Variants in LTBP4 observed in about 807,000 individuals in gnomAD.
The protein encoded by LTBP4 is latent transforming growth factor beta binding protein 4.
In LTBP4, 93 loss-of-function variants were observed where a neutral mutation model predicts 180.2. That is an observed-to-expected ratio of 0.52 (90% CI 0.44 to 0.61). The LOEUF (loss-of-function observed/expected upper bound fraction) is 0.61. Ranked by LOEUF, LTBP4 falls within the 20% of genes least tolerant of loss-of-function variation. LTBP4 has a pLI of 0.00. For missense variants in LTBP4, 2,116 were observed against 2,256.5 expected, an observed-to-expected ratio of 0.94 and a Z score of 1.26; for synonymous variants, 947 against 934.5, an observed-to-expected ratio of 1.01 and a Z score of -0.24.
At chr19:40,623,251 T>G (rs1339872304) in intron 24 of LTBP4, among the ~76,000 whole-genome samples, 1 of 151,180 alleles carries the variant, frequency 6.6e-6, no homozygotes, top group African/African-American at 2.4e-5. Context: ...CTTGGCTCAC[T>G]GCAACCTTTG....
At position 40,629,810 on chromosome 19, in the gene LTBP4, T is replaced by C; in HGVS notation, c.*260T>C. On this transcript the variant is annotated 3_prime_UTR_variant, in exon 30 of 30. Transcript: ENST00000396819. This position sits in a 1 kb window ranked among gnomAD's most constrained non-coding sequence, Gnocchi z 4.5. Reference sequence around the variant, plus strand: ...ATAAAATTTTCCATTAAAAACCACCTATTTTCTATCTTTTGCCTCCTCCTG... The same window carrying C: ...ATAAAATTTTCCATTAAAAACCACCCATTTTCTATCTTTTGCCTCCTCCTG... 1 of 318,768 alleles carries C rather than the reference T, an allele frequency of 3.1e-6. No homozygotes were observed. The allele number at this position is 318,768 out of a possible 1,614,324, so 19.7% of individuals were successfully genotyped here.
At chr19:40,606,592 C>T (rs2081464315) in intron 6 of LTBP4, 66 bp downstream of exon 6, 1 of 1,515,856 alleles carries the variant, frequency 6.6e-7, no homozygotes, top group Non-Finnish European at 8.9e-7. Flanking sequence ...CCCAGAGCAT[C>T]CTGGGGCCTT....
chr19:40,601,731 A>C, intron 1 of LTBP4, 94 bp downstream of exon 1: 2 of 989,676 alleles, frequency 2.0e-6, no homozygotes, highest in Non-Finnish European at 2.7e-6. Context: ...GAGGGAGCCC[A>C]GATTCCATAT....
At chr19:40,620,065 G>A (rs1455290529) in intron 22 of LTBP4, among the ~76,000 whole-genome samples, 1 of 152,146 alleles carries the variant, frequency 6.6e-6, no homozygotes, top group East Asian at 1.9e-4. Flanking sequence ...AGAGCATCTG[G>A]CATGTGAGAA....
intron 7 of LTBP4, 112 bp downstream of exon 7, chr19:40,607,641 C>T: frequency 7.9e-7 from 1 of 1,264,804 alleles, no homozygotes; most frequent in South Asian, 1.5e-5. Flanking sequence ...TGGGCTCCAG[C>T]CTTGGCCACG....
intron 1 of LTBP4, among the ~76,000 whole-genome samples, chr19:40,602,279 GC>G (rs1378094372): frequency 6.6e-6 from 1 of 150,436 alleles, no homozygotes; most frequent in Non-Finnish European, 1.5e-5. Context: ...CGGAAGGGGC[GC>G]CCCCTGGGGG....
chr19:40,606,234 G>A lies in LTBP4; in HGVS notation c.795G>A (p.Gly265=). ...HDCQLCSERL[G]NSERVSAPDG... ...CCCACCCCTCTCCTCTCGCCACAGG[G>A]AACTCCGAAAGAGTGAGCGCCCCAG... Residue 265 remains glycine (G), a splice_region_variant and synonymous_variant, in exon 5 of 30, where the codon GGG becomes GGA. Coordinates refer to ENST00000396819, the MANE Select transcript of LTBP4 (RefSeq NM_001042545.2). 6.3e-7 allele frequency: 1 copy of A among 1,585,954 alleles called. No individual in the cohort carries two copies. The highest frequency in any genetic ancestry group is 8.6e-7 in the Non-Finnish European group (1 of 1,165,664).
chr19:40,605,449 G>C lies in LTBP4; in HGVS notation c.487G>C (p.Ala163Pro). ...CGTCCACGTGGAGCACCCGCAGGAG[G>C]CGTCGGTGGTGGTGCACCAGGTGGA... The part of the protein sequence containing the change: ...VSVHVEHPQE[A>P]SVVVHQVERV... Residue 163 changes from alanine (A) to proline (P), a missense_variant, in exon 3 of 30, where the codon GCG becomes CCG. This residue lies in a region of LTBP4 where 469 missense variants were observed against 532.5 expected (regional missense o/e 0.88). Transcript: ENST00000396819. This position sits in a 1 kb window ranked among gnomAD's most constrained non-coding sequence, Gnocchi z 5.5. The C allele has an allele frequency of 6.2e-7, 1 of 1,612,784 alleles. No homozygotes were observed. Among genetic ancestry groups the C allele is most frequent in the Non-Finnish European group, 8.5e-7 (1 of 1,179,868 alleles).
At chr19:40,618,980 C>T (rs778445463) in intron 21 of LTBP4, among the ~76,000 whole-genome samples, 6 of 151,972 alleles carry the variant, frequency 3.9e-5, no homozygotes, top group Non-Finnish European at 7.4e-5. Flanking sequence ...GTGGGCCACC[C>T]GAGAGCTAAA....
rs2081456062 is a variant in LTBP4, at chr19:40,605,724, C to G, written c.691-5C>G. ...GGGGCGCGCTCACCCAACACTTCCC[C>G]GCAGTGCGCGTCCCCGCTGCCCGGG... On this transcript the variant is annotated splice_region_variant and splice_polypyrimidine_tract_variant and intron_variant, in intron 3 of 29. Coordinates refer to ENST00000396819, the MANE Select transcript of LTBP4 (RefSeq NM_001042545.2). This position sits in a 1 kb window ranked among gnomAD's most constrained non-coding sequence, Gnocchi z 5.5. The G allele has an allele frequency of 6.5e-7, 1 of 1,546,594 alleles. No homozygotes were observed. The highest frequency in any genetic ancestry group is 1.2e-5 in the South Asian group (1 of 83,974).
chr19:40,607,257 AC>A, intron 6 of LTBP4, 107 bp from the exon 7 acceptor site: 1 of 339,628 alleles, frequency 2.9e-6, no homozygotes, highest in Non-Finnish European at 4.9e-6. Context: ...CCTCGCACCC[AC>A]CAACCCCCCA....
At position 40,614,035 on chromosome 19, in the gene LTBP4, C is replaced by G; in HGVS notation, c.2677C>G (p.Leu893Val). 1 of 1,612,536 alleles carries G rather than the reference C, an allele frequency of 6.2e-7. No homozygotes were observed. The highest frequency in any genetic ancestry group is 8.5e-7 in the Non-Finnish European group (1 of 1,179,698). Reference protein sequence around the residue: ...HRAGPDLASCLDVDECRERGP... With the variant: ...HRAGPDLASCVDVDECRERGP... ...CGCTGGCCCGGACCTCGCCTCCTGC[C>G]TCGGTGAGAGGCCCCGCCCCGGCCT... The change falls in exon 18 of 30, where the codon CTC becomes GTC. Residue 893 changes from leucine to valine, a missense_variant. By Grantham distance (32) the Leu-to-Val change is conservative (BLOSUM62 1). Transcript: ENST00000396819.
intron 22 of LTBP4, among the ~76,000 whole-genome samples, chr19:40,620,300 G>A (rs575179756): frequency 3.3e-5 from 5 of 151,250 alleles, no homozygotes; most frequent in Middle Eastern, 3.4e-3. Context: ...GTGCAGTGGC[G>A]TGATCTCAGC....
chr19:40,622,356 C>T lies in LTBP4; in HGVS notation c.3218-45C>T, dbSNP rs1047918355. 2.8e-6 allele frequency: 4 copies of T among 1,453,538 alleles called. No homozygotes were observed. In the African/African-American group the frequency reaches 4.3e-5, roughly 15 times the overall value. The allele number at this position is 1,453,538 out of a possible 1,614,324, so 90.0% of individuals were successfully genotyped here. On this transcript the variant is annotated intron_variant, in intron 22 of 29. Transcript: ENST00000396819. The surrounding 1 kb of genome is among the most constrained non-coding windows in gnomAD (Gnocchi z 5.1). Reference sequence around the variant, plus strand: ...TTCCCCATCTATGATAGTGGCGGGGCTGGGGATTCAGCCCACACTGGGCTA... The same window carrying T: ...TTCCCCATCTATGATAGTGGCGGGGTTGGGGATTCAGCCCACACTGGGCTA...
intron 21 of LTBP4, among the ~76,000 whole-genome samples, chr19:40,619,143 C>T (rs908703545): frequency 6.6e-6 from 1 of 151,986 alleles, no homozygotes; most frequent in Non-Finnish European, 1.5e-5. Flanking sequence ...GTAGATATAG[C>T]CCTACTCAAA....
upstream of LTBP4, among the ~76,000 whole-genome samples, chr19:40,601,098 C>G (rs1381829077): frequency 6.6e-6 from 1 of 152,042 alleles, no homozygotes; most frequent in Non-Finnish European, 1.5e-5. Context: ...CGCCCGCCCC[C>G]ACCTGTTCCC....
chr19:40,594,880 T>C (rs1317130929), intron 1 of LTBP4, among the ~76,000 whole-genome samples: 1 of 149,496 alleles, frequency 6.7e-6, no homozygotes, highest in Non-Finnish European at 1.5e-5. Context: ...GTGAAGGGCT[T>C]CCCCGTCAGT....
chr19:40,614,284 C>A, intron 18 of LTBP4, 31 bp from the exon 19 acceptor site: 1 of 1,589,700 alleles, frequency 6.3e-7, no homozygotes, highest in Middle Eastern at 1.7e-4. Context: ...TCCCTGCTTC[C>A]CACATCCGAC....
At chr19:40,618,690 A>T (rs1218989441) in intron 21 of LTBP4, among the ~76,000 whole-genome samples, 1 of 152,190 alleles carries the variant, frequency 6.6e-6, no homozygotes, top group Non-Finnish European at 1.5e-5. Context: ...AGATATTTTC[A>T]TTCAACGTTC....
Sources: allele counts gnomAD v4.1 joint callset (sites outside exome capture counted in the v4.1 genomes callset), GRCh38; gene constraint gnomAD v4.1.1; regional missense constraint gnomAD v4.1.1; non-coding constraint Gnocchi (gnomAD v3.1); transcripts MANE v1.5; gene names NCBI Gene and HGNC (gene_info 2026-07-23, HGNC 2026-07-21).